Variants in SLC9D1 observed in about 807,000 individuals in gnomAD.
The protein encoded by SLC9D1 is solute carrier family 9 member D1, also known as putative LAG1-interacting protein.
the SLC9D1 span, among the ~76,000 whole-genome samples, chr13:113,518,729 G>A: frequency 2.6e-5 from 4 of 152,136 alleles, no homozygotes; most frequent in East Asian, 1.9e-4. Flanking sequence ...TGAAGCCTCC[G>A]CATGGACAAT....
the SLC9D1 span, among the ~76,000 whole-genome samples, chr13:113,536,240 T>A: frequency 6.6e-6 from 1 of 151,792 alleles, no homozygotes; most frequent in South Asian, 2.1e-4. Context: ...TACCTGGGCA[T>A]GGTGGCGCCT....
At chr13:113,537,507 C>T in the SLC9D1 span, among the ~76,000 whole-genome samples, 9 of 152,382 alleles carry the variant, frequency 5.9e-5, no homozygotes, top group South Asian at 1.9e-3. Flanking sequence ...CATTCCATTC[C>T]AGCATGTCAG....
the SLC9D1 span, among the ~76,000 whole-genome samples, chr13:113,496,827 T>A: frequency 1.3e-5 from 2 of 152,202 alleles, no homozygotes; most frequent in African/African-American, 2.4e-5. Context: ...TTGTCTTGCC[T>A]GTGTGATATG....
At chr13:113,509,431 G>A in the SLC9D1 span, among the ~76,000 whole-genome samples, 1 of 144,632 alleles carries the variant, frequency 6.9e-6, no homozygotes, top group African/African-American at 2.8e-5. Flanking sequence ...CTTGGTGGGT[G>A]GGTCCCCCCT....
chr13:113,537,317 C>T, the SLC9D1 span, among the ~76,000 whole-genome samples: 13 of 152,236 alleles, frequency 8.5e-5, no homozygotes, highest in African/African-American at 2.2e-4. Flanking sequence ...ATCCCCATGG[C>T]GCTCAGTTCT....
At chr13:113,496,212 A>G in the SLC9D1 span, among the ~76,000 whole-genome samples, 158 of 152,344 alleles carry the variant, frequency 1.0e-3, 1 homozygote, top group Non-Finnish European at 2.9e-5. Context: ...TCGCATCTAG[A>G]AAAATCTCTC....
the SLC9D1 span, chr13:113,501,987 T>A: frequency 1.1e-6 from 1 of 885,438 alleles, no homozygotes. Flanking sequence ...ACCAGCTTCG[T>A]ATAAACCATT....
the SLC9D1 span, chr13:113,520,610 C>A: frequency 1.2e-6 from 2 of 1,606,126 alleles, no homozygotes; most frequent in Non-Finnish European, 1.7e-6. Context: ...GCCTTTCCCC[C>A]CACAGGCGAC....
the SLC9D1 span, among the ~76,000 whole-genome samples, chr13:113,535,581 A>G: frequency 2.0e-5 from 3 of 152,246 alleles, no homozygotes; most frequent in Non-Finnish European, 4.4e-5. This position sits in a 1 kb window ranked among gnomAD's most constrained non-coding sequence, Gnocchi z 4.1. Context: ...AATGTTCAAC[A>G]AACTGAGCTA....
chr13:113,498,424 GT>G, the SLC9D1 span: 3 of 1,584,558 alleles, frequency 1.9e-6, no homozygotes, highest in Non-Finnish European at 2.6e-6. Flanking sequence ...CAAAACCAAA[GT>G]TTATCCATGC....
chr13:113,541,249 T>C, the SLC9D1 span, among the ~76,000 whole-genome samples: 1 of 151,954 alleles, frequency 6.6e-6, no homozygotes, highest in East Asian at 1.9e-4. Context: ...ATCACTGCCA[T>C]GCTTTATTAC....
chr13:113,517,841 G>T, the SLC9D1 span, among the ~76,000 whole-genome samples: 1 of 150,582 alleles, frequency 6.6e-6, no homozygotes, highest in East Asian at 1.9e-4. Flanking sequence ...ACAGCACGGG[G>T]TTTACAGACC....
At chr13:113,536,525 T>A in the SLC9D1 span, 1 of 975,610 alleles carries the variant, frequency 1.0e-6, no homozygotes, top group Middle Eastern at 5.2e-4. Context: ...TTCCAGAGTA[T>A]TTTTCTCTTT....
the SLC9D1 span, among the ~76,000 whole-genome samples, chr13:113,520,030 C>T: frequency 6.6e-6 from 1 of 152,218 alleles, no homozygotes; most frequent in Admixed American, 6.5e-5. Flanking sequence ...AGCCTGTCAT[C>T]TTGTTTGCCA....
the SLC9D1 span, among the ~76,000 whole-genome samples, chr13:113,543,838 G>T: frequency 6.6e-6 from 1 of 152,042 alleles, no homozygotes; most frequent in South Asian, 2.1e-4. Flanking sequence ...TTTATGTTGA[G>T]AACCCTTTCT....
the SLC9D1 span, among the ~76,000 whole-genome samples, chr13:113,521,273 G>T: frequency 2.0e-5 from 3 of 147,970 alleles, no homozygotes; most frequent in East Asian, 2.0e-4. Flanking sequence ...GTATGTCTGT[G>T]GGGGGGTATC....
chr13:113,548,078 G>A, the SLC9D1 span, among the ~76,000 whole-genome samples: 5 of 152,254 alleles, frequency 3.3e-5, no homozygotes, highest in South Asian at 2.1e-4. Context: ...CTAATGAACC[G>A]AAAGGCTTAA....
the SLC9D1 span, chr13:113,500,279 T>A: frequency 2.1e-6 from 1 of 472,094 alleles, no homozygotes; most frequent in Non-Finnish European, 3.6e-6. Flanking sequence ...ATTCCGTACA[T>A]TATCTGTGAT....
chr13:113,516,541 G>A, the SLC9D1 span, among the ~76,000 whole-genome samples: 1 of 149,936 alleles, frequency 6.7e-6, no homozygotes, highest in South Asian at 2.1e-4. Context: ...ACTCCAGCCT[G>A]GGCCACAGAG....
Sources: gnomAD v4.1 joint callset for allele counts (sites outside exome capture counted in the v4.1 genomes callset) on GRCh38, gnomAD v4.1.1 for gene constraint, Gnocchi (gnomAD v3.1) non-coding constraint, MANE v1.5 for transcripts, NCBI Gene and HGNC (gene_info 2026-07-23, HGNC 2026-07-21) for gene names.